ALDH3A2: variants seen among roughly 807,000 people sequenced by gnomAD.
ALDH3A2 encodes aldehyde dehydrogenase 3 family member A2, also known as aldehyde dehydrogenase family 3 member A2.
ALDH3A2 carries 36 observed loss-of-function variants against 51.3 expected under a neutral mutation model. The ratio of observed to expected loss-of-function variants is 0.70; its 90% CI spans 0.54 to 0.93. The LOEUF (loss-of-function observed/expected upper bound fraction) is 0.93, where lower values mean the gene tolerates loss of function less well. ALDH3A2 is among the 40% of genes least tolerant of loss of function. The pLI is 0.00. For synonymous variants in ALDH3A2, 199 were observed against 219.8 expected, an observed-to-expected ratio of 0.91 and a Z score of 0.84; for missense variants, 552 against 603.1, an observed-to-expected ratio of 0.92 and a Z score of 0.89.
intron 1 of ALDH3A2, 178 bp downstream of exon 1, chr17:19,649,302 A>T: frequency 1.3e-6 from 1 of 775,116 alleles, no homozygotes. Context: ...GTCCTCTAGC[A>T]CTCAGAAGGG....
At position 19,654,663 on chromosome 17, in the gene ALDH3A2, G is replaced by A. The variant is rs932837691; in HGVS notation, c.472-1703G>A. On this transcript the variant is annotated intron_variant, in intron 3 of 9. Transcript: ENST00000176643. The surrounding 1 kb of genome is among the most constrained non-coding windows in gnomAD (Gnocchi z 4.5). Reference sequence around the variant, plus strand: ...CCAGAACTCGCTCTGGCTTGTGAGCGCCACGCGCAGCCCCGGTTCCTGCCT... The same window carrying A: ...CCAGAACTCGCTCTGGCTTGTGAGCACCACGCGCAGCCCCGGTTCCTGCCT... 2.6e-5 allele frequency among the ~76,000 whole-genome samples: 4 copies of A among 151,906 alleles called. No homozygotes were observed. The highest frequency in any genetic ancestry group is 1.9e-4 in the East Asian group (1 of 5,142).
intron 3 of ALDH3A2, 59 bp downstream of exon 3, chr17:19,652,691 AT>A: frequency 1.4e-6 from 2 of 1,404,420 alleles, no homozygotes; most frequent in Non-Finnish European, 2.0e-6. Context: ...CACACATTTT[AT>A]TTTCTTGCTA....
chr17:19,669,062 C>T (rs1405882936), intron 8 of ALDH3A2, among the ~76,000 whole-genome samples: 7 of 151,572 alleles, frequency 4.6e-5, no homozygotes, highest in South Asian at 4.2e-4. Context: ...TTTGGGAGGC[C>T]GAGGCAGGTA....
chr17:19,671,045 C>T lies in ALDH3A2; in HGVS notation c.1208-676C>T, dbSNP rs116284944. 9.4e-3 allele frequency among the ~76,000 whole-genome samples: 1,436 copies of T among 152,346 alleles called. 27 individuals are homozygous for T. Among genetic ancestry groups the T allele is most frequent in the African/African-American group, 0.033 (1,357 of 41,584 alleles). ...CATGCCATTCCCTCTGCCCAGCTCA[C>T]ACTGCTCCGCTTTGTGCCTGTCAGT... On this transcript the variant is annotated intron_variant, in intron 8 of 9. Transcript: ENST00000176643.
chr17:19,655,166 T>A (rs907975681), intron 3 of ALDH3A2: 1 of 152,234 alleles, frequency 6.6e-6, no homozygotes, highest in African/African-American at 2.4e-5. Context: ...GGAGTCTTCA[T>A]TTAGCTTTAA....
chr17:19,669,600 T>C (rs2085084877), intron 8 of ALDH3A2, among the ~76,000 whole-genome samples: 1 of 152,170 alleles, frequency 6.6e-6, no homozygotes, highest in African/African-American at 2.4e-5. Flanking sequence ...GCTTATTGTA[T>C]GCCAGGTACT....
chr17:19,656,393 G>T lies in ALDH3A2; in HGVS notation c.499G>T (p.Val167Phe), dbSNP rs774806016. The T allele has an allele frequency of 2.5e-6, 4 of 1,614,026 alleles. No individual in the cohort carries two copies. The African/African-American group carries it at 5.3e-5, about 22-fold the overall frequency. Residue 167 changes from valine (V) to phenylalanine (F), a missense_variant, in exon 4 of 10, where the codon GTT becomes TTT. Transcript: ENST00000176643. ...QDLYIVINGG[V>F]EETTELLKQR... ...TCTCTATATTGTTATTAATGGTGGT[G>T]TTGAGGAAACCACGGAGCTCCTGAA...
chr17:19,655,547 G>C lies in ALDH3A2; in HGVS notation c.472-819G>C, dbSNP rs573845793. On this transcript the variant is annotated intron_variant, in intron 3 of 9. Coordinates refer to ENST00000176643, the MANE Select transcript of ALDH3A2 (RefSeq NM_000382.3). ...AGAAAAGTTAAAGCTTGAAACATTTGTTGGGCAGCTGAACCATGAAGTGAA... is the reference window on the plus strand; with the variant it reads ...AGAAAAGTTAAAGCTTGAAACATTTCTTGGGCAGCTGAACCATGAAGTGAA... Among the ~76,000 whole-genome samples, 7 of 152,304 alleles carry C rather than the reference G, an allele frequency of 4.6e-5. No homozygotes were observed. In the East Asian group the frequency reaches 1.4e-3, roughly 29 times the overall value.
At chr17:19,666,156 G>A (rs1337008510) in intron 8 of ALDH3A2, among the ~76,000 whole-genome samples, 1 of 151,994 alleles carries the variant, frequency 6.6e-6, no homozygotes, top group Non-Finnish European at 1.5e-5. Flanking sequence ...AGGGAAGGGG[G>A]TATTTTTGGG....
At chr17:19,652,077 G>A (rs930439823) in intron 2 of ALDH3A2, among the ~76,000 whole-genome samples, 1 of 152,198 alleles carries the variant, frequency 6.6e-6, no homozygotes, top group African/African-American at 2.4e-5. Context: ...GGTTTCAGTT[G>A]CTGGCTCTGG....
intron 9 of ALDH3A2, chr17:19,673,036 A>G: frequency 7.2e-7 from 1 of 1,389,544 alleles, no homozygotes; most frequent in South Asian, 1.2e-5. Flanking sequence ...GCGAGACTCC[A>G]TCTCAACAAC....
Position 19,674,260 on chromosome 17 carries a change from C to T in ALDH3A2, c.1444-1298C>T, listed in dbSNP as rs2085159302. 3 of 152,028 alleles carry T rather than the reference C, an allele frequency of 2.0e-5. No homozygotes were observed. In the South Asian group the frequency reaches 6.2e-4, roughly 32 times the overall value. The allele number at this position is 152,028 out of a possible 1,614,324, so 9.4% of individuals were successfully genotyped here. ...TTGTTCTTTTCCCAAGACCTCGGTT[C>T]CTCAGTTTGATAATGCATCTTGGTA... On this transcript the variant is annotated intron_variant, in intron 9 of 9. Coordinates refer to ENST00000176643, the MANE Select transcript of ALDH3A2 (RefSeq NM_000382.3).
chr17:19,675,722 AT>A lies in ALDH3A2; in HGVS notation c.*152del, dbSNP rs2085179201. 5 of 945,066 alleles carry A rather than the reference AT, an allele frequency of 5.3e-6. No homozygotes were observed. Among genetic ancestry groups the A allele is most frequent in the South Asian group, 1.4e-5 (1 of 73,438 alleles). 58.5% of individuals were successfully genotyped at this position (945,066 alleles called of 1,614,324 possible). On this transcript the variant is annotated 3_prime_UTR_variant, in exon 10 of 10. Coordinates refer to ENST00000176643, the MANE Select transcript of ALDH3A2 (RefSeq NM_000382.3). Reference sequence around the variant, plus strand: ...AACTTAAAAGTCATTGCCATTCATCATTAATAAAAGTTGCCATTTCAACTAC... The same window carrying A: ...AACTTAAAAGTCATTGCCATTCATCATAATAAAAGTTGCCATTTCAACTAC...
chr17:19,658,764 A>AGC (rs2084930450), intron 5 of ALDH3A2, among the ~76,000 whole-genome samples: 5 of 150,782 alleles, frequency 3.3e-5, no homozygotes, highest in African/African-American at 1.2e-4. Flanking sequence ...AAAAAAAAAA[A>AGC]AGAAGAATGG....
intron 6 of ALDH3A2, among the ~76,000 whole-genome samples, chr17:19,662,734 G>C (rs1387346339): frequency 6.6e-6 from 1 of 152,188 alleles, no homozygotes; most frequent in Non-Finnish European, 1.5e-5. Context: ...AAGCACTCGA[G>C]TTAAGAAAAA....
At chr17:19,672,462 T>A (rs1293320828) in intron 9 of ALDH3A2, 2 of 174,968 alleles carry the variant, frequency 1.1e-5, no homozygotes, top group African/African-American at 4.8e-5. Context: ...CTTGAGTTTT[T>A]TTCCTCCAAA....
At chr17:19,655,845 G>A (rs2084887194) in intron 3 of ALDH3A2, among the ~76,000 whole-genome samples, 1 of 152,228 alleles carries the variant, frequency 6.6e-6, no homozygotes, top group Admixed American at 6.5e-5. Context: ...GCTTGCCTAA[G>A]GTTGCATAAG....
chr17:19,649,045 A>G lies in ALDH3A2; in HGVS notation c.74A>G (p.Gln25Arg). The change falls in exon 1 of 10, where the codon CAG becomes CGG. Residue 25 changes from glutamine to arginine, a missense_variant. Physicochemically the swap from Gln to Arg is conservative, Grantham distance 43 (BLOSUM62 1). Transcript: ENST00000176643. ...TCGCGACCTCTGCGGTTTCGGCTGC[A>G]GCAGCTGGAGGCCCTGCGGAGGATG... ...GRSRPLRFRLQQLEALRRMVQ... is the reference protein window; with the variant it reads ...GRSRPLRFRLRQLEALRRMVQ... The G allele has an allele frequency of 6.3e-7, 1 of 1,583,926 alleles. No homozygotes were observed. Among genetic ancestry groups the G allele is most frequent in the Non-Finnish European group, 8.6e-7 (1 of 1,165,502 alleles).
chr17:19,659,247 T>A (rs1025678652), intron 5 of ALDH3A2, among the ~76,000 whole-genome samples: 2 of 151,338 alleles, frequency 1.3e-5, no homozygotes, highest in Non-Finnish European at 2.9e-5. Flanking sequence ...AAAAAAGATA[T>A]GAAAATTGTC....
Sources: gnomAD v4.1 joint callset for allele counts (sites outside exome capture counted in the v4.1 genomes callset) on GRCh38, gnomAD v4.1.1 for gene constraint, Gnocchi (gnomAD v3.1) non-coding constraint, MANE v1.5 for transcripts, NCBI Gene and HGNC (gene_info 2026-07-23, HGNC 2026-07-21) for gene names.